KCNAB1: variants seen among roughly 807,000 people sequenced by gnomAD.
KCNAB1 encodes potassium voltage-gated channel subfamily A regulatory beta subunit 1.
Under a neutral mutation model 64.6 loss-of-function variants are expected in KCNAB1, and 35 were observed. The observed-to-expected ratio is 0.54, with a 90% CI of 0.41 to 0.72. KCNAB1 has a LOEUF of 0.72. Among genes scored for constraint, KCNAB1 ranks in the 30% least tolerant of loss-of-function variants. The pLI, the probability that KCNAB1 is intolerant of heterozygous loss-of-function variation, is 0.00. For missense variants in KCNAB1, 401 were observed against 512.9 expected (o/e 0.78, Z 2.11); for synonymous variants, 177 against 183.8 (o/e 0.96, Z 0.30).
chr3:156,318,954 CCTT>C lies in KCNAB1; in HGVS notation c.276-102660_276-102658del, dbSNP rs780791391. Among the ~76,000 whole-genome samples, 5 of 152,190 alleles carry C rather than the reference CCTT, an allele frequency of 3.3e-5. No homozygotes were observed. The East Asian group carries it at 5.8e-4, about 18-fold the overall frequency. On this transcript the variant is annotated intron_variant, in intron 1 of 13. Coordinates refer to ENST00000490337, the MANE Select transcript of KCNAB1 (RefSeq NM_172160.3). ...CAGAGCCAGTAAACCAGTTAACTAA[CCTT>C]CATCTTTAAATTTTCCATTTATAGC...
At chr3:156,163,692 G>A (rs191153960) in intron 1 of KCNAB1, among the ~76,000 whole-genome samples, 40 of 152,266 alleles carry the variant, frequency 2.6e-4, no homozygotes, top group African/African-American at 9.4e-4. Context: ...TGAATCTTAC[G>A]ATAAGAGATA....
At chr3:156,175,915 T>C (rs1043346651) in intron 1 of KCNAB1, 26 of 868,166 alleles carry the variant, frequency 3.0e-5, no homozygotes, top group Non-Finnish European at 4.5e-5. Flanking sequence ...CTAGTCAGGG[T>C]GGAAAGCAAC....
At chr3:156,236,374 T>TA (rs1716850757) in intron 1 of KCNAB1, among the ~76,000 whole-genome samples, 2 of 152,114 alleles carry the variant, frequency 1.3e-5, no homozygotes, top group Non-Finnish European at 2.9e-5. Flanking sequence ...TGGGGGAGAT[T>TA]TGCAAGAACA....
intron 1 of KCNAB1, among the ~76,000 whole-genome samples, chr3:156,271,389 G>C (rs112346691): frequency 1.4e-3 from 211 of 151,516 alleles, no homozygotes; most frequent in African/African-American, 4.7e-3. Context: ...ATTTTCTTTT[G>C]TCTCCTTTGA....
At chr3:156,467,154 A>C (rs1713472696) in intron 7 of KCNAB1, among the ~76,000 whole-genome samples, 1 of 152,116 alleles carries the variant, frequency 6.6e-6, no homozygotes, top group African/African-American at 2.4e-5. Context: ...TTTTATAATA[A>C]ATTAAATGTC....
At chr3:156,413,735 T>C (rs1461183776) in intron 1 of KCNAB1, among the ~76,000 whole-genome samples, 1 of 152,190 alleles carries the variant, frequency 6.6e-6, no homozygotes, top group Admixed American at 6.5e-5. Flanking sequence ...AGCAAAGCGA[T>C]AGCATTACAG....
intron 12 of KCNAB1, 184 bp downstream of exon 12, chr3:156,524,131 G>T: frequency 1.8e-6 from 1 of 564,860 alleles, no homozygotes; most frequent in Non-Finnish European, 2.9e-6. Context: ...CTACATGATA[G>T]CAAATTTTTC....
chr3:156,406,799 G>C (rs985841896), intron 1 of KCNAB1, among the ~76,000 whole-genome samples: 3 of 152,146 alleles, frequency 2.0e-5, no homozygotes, highest in African/African-American at 7.2e-5. Context: ...AAAAGGAAAG[G>C]GGTACAGACG....
Position 156,262,363 on chromosome 3 carries a change from CTCCTCTAGT to C in KCNAB1, c.275+141479_275+141487del, listed in dbSNP as rs908809162. On this transcript the variant is annotated intron_variant, in intron 1 of 13. Transcript: ENST00000490337. The stretch of plus-strand genomic sequence containing the variant: ...GACACTCTTTCAGGTTAAGGAAGTT[CTCCTCTAGT>C]TTTTGCTTGGGAAAGTTTTATCATG... Among the ~76,000 whole-genome samples the C allele has an allele frequency of 5.9e-4, 90 of 151,948 alleles. 1 individual carries two copies. The highest frequency in any genetic ancestry group is 2.0e-3 in the African/African-American group (84 of 41,532).
intron 1 of KCNAB1, among the ~76,000 whole-genome samples, chr3:156,217,763 AG>A (rs1715415480): frequency 6.6e-6 from 1 of 152,238 alleles, no homozygotes; most frequent in East Asian, 1.9e-4. Flanking sequence ...TCTGGAAACA[AG>A]CTGGTCATAA....
intron 1 of KCNAB1, among the ~76,000 whole-genome samples, chr3:156,293,942 A>G (rs1720621277): frequency 6.6e-6 from 1 of 152,214 alleles, no homozygotes. Context: ...AAGGCAGATC[A>G]CAGAAGGTGG....
intron 1 of KCNAB1, chr3:156,143,569 G>GTTGTTGTTTTTTTTTTTTT (rs1443482013): frequency 3.6e-6 from 1 of 281,598 alleles, no homozygotes; most frequent in African/African-American, 2.9e-5. Flanking sequence ...TTGCATTCTT[G>GTTGTTGTTTTTTTTTTTTT]TTTTTTTTTT....
At chr3:156,145,545 C>T (rs1232372349) in intron 1 of KCNAB1, among the ~76,000 whole-genome samples, 1 of 152,116 alleles carries the variant, frequency 6.6e-6, no homozygotes. Flanking sequence ...CATATTCTTA[C>T]TTCTTTATTA....
intron 8 of KCNAB1, among the ~76,000 whole-genome samples, chr3:156,504,742 G>GTTTTTTT (rs796618812): frequency 7.4e-5 from 6 of 81,232 alleles, no homozygotes; most frequent in East Asian, 9.6e-4. Flanking sequence ...TTTTGTTTTT[G>GTTTTTTT]TTTTTTTTGT....
chr3:156,351,929 C>G (rs745673420), intron 1 of KCNAB1, among the ~76,000 whole-genome samples: 5 of 152,202 alleles, frequency 3.3e-5, no homozygotes, highest in Non-Finnish European at 7.3e-5. Context: ...CCATGCAGGT[C>G]CATGCCGCCC....
chr3:156,155,809 T>C (rs1269412406), intron 1 of KCNAB1, among the ~76,000 whole-genome samples: 2 of 152,230 alleles, frequency 1.3e-5, no homozygotes, highest in African/African-American at 4.8e-5. Flanking sequence ...AAAGTCATTA[T>C]GCTCATGGTC....
At chr3:156,539,077 T>TTTTC (rs1719287768), downstream of KCNAB1, 1 of 152,212 alleles carries the variant, frequency 6.6e-6, no homozygotes, top group Non-Finnish European at 1.5e-5. Flanking sequence ...ACTCTTATTA[T>TTTTC]TTTCTTTTCT....
At chr3:156,489,480 T>C (rs903408910) in intron 8 of KCNAB1, among the ~76,000 whole-genome samples, 2 of 152,076 alleles carry the variant, frequency 1.3e-5, no homozygotes, top group Non-Finnish European at 2.9e-5. Context: ...GTGTTAACAA[T>C]GTGGAAATCT....
intron 1 of KCNAB1, among the ~76,000 whole-genome samples, chr3:156,213,242 A>G (rs1715125744): frequency 6.7e-6 from 1 of 149,022 alleles, no homozygotes; most frequent in Non-Finnish European, 1.5e-5. Context: ...CTTTTGAGAC[A>G]GAGTCTCGTT....
Sources: gnomAD v4.1 joint callset for allele counts (sites outside exome capture counted in the v4.1 genomes callset) on GRCh38, gnomAD v4.1.1 for gene constraint, MANE v1.5 for transcripts, NCBI Gene and HGNC (gene_info 2026-07-23, HGNC 2026-07-21) for gene names.